Variants in SEZ6L observed in about 807,000 individuals in gnomAD.
SEZ6L encodes the protein seizure related 6 homolog like.
SEZ6L carries 37 observed loss-of-function variants against 106.2 expected under a neutral mutation model. The observed-to-expected ratio is 0.35, with a 90% confidence interval of 0.27 to 0.46. The LOEUF is 0.46. Ranked by LOEUF, SEZ6L falls within the 20% of genes least tolerant of loss-of-function variation. The pLI, the probability that SEZ6L is intolerant of heterozygous loss-of-function variation, is 1.00. For missense variants in SEZ6L, 1,172 were observed against 1,332.8 expected (o/e 0.88, Z 1.88); for synonymous variants, 541 against 570.4 (o/e 0.95, Z 0.73).
intron 12 of SEZ6L, among the ~76,000 whole-genome samples, chr22:26,363,813 G>A (rs979710265): frequency 1.1e-4 from 17 of 152,312 alleles, no homozygotes; most frequent in South Asian, 8.3e-4. Flanking sequence ...ACCTGCCTAC[G>A]ATGGAATATT....
At chr22:26,341,317 C>T (rs762409960) in intron 10 of SEZ6L, among the ~76,000 whole-genome samples, 10 of 152,108 alleles carry the variant, frequency 6.6e-5, no homozygotes, top group Non-Finnish European at 1.5e-4. Context: ...TCACACACTC[C>T]TATGACCCCT....
chr22:26,280,486 T>C (rs2080726438), intron 1 of SEZ6L, among the ~76,000 whole-genome samples: 1 of 152,170 alleles, frequency 6.6e-6, no homozygotes, highest in Non-Finnish European at 1.5e-5. Flanking sequence ...GCACGAAAGG[T>C]AGCATACTCT....
chr22:26,264,429 T>C (rs934421350), intron 1 of SEZ6L, among the ~76,000 whole-genome samples: 3 of 152,186 alleles, frequency 2.0e-5, no homozygotes, highest in East Asian at 1.9e-4. Context: ...GGAAGATGGA[T>C]GAAACAAGCT....
intron 1 of SEZ6L, among the ~76,000 whole-genome samples, chr22:26,290,982 G>A (rs1345460086): frequency 3.9e-5 from 6 of 152,184 alleles, no homozygotes; most frequent in African/African-American, 1.4e-4. Context: ...CACTGTTGGT[G>A]GGAATGTAAA....
At chr22:26,221,565 T>G (rs2078469329) in intron 1 of SEZ6L, among the ~76,000 whole-genome samples, 1 of 152,184 alleles carries the variant, frequency 6.6e-6, no homozygotes, top group South Asian at 2.1e-4. Context: ...GCAAGGAGCT[T>G]CATGTGAATC....
At chr22:26,378,571 G>A (rs900880270) in intron 16 of SEZ6L, among the ~76,000 whole-genome samples, 1 of 152,220 alleles carries the variant, frequency 6.6e-6, no homozygotes. Context: ...GGCACTAGGA[G>A]AATGTATAAT....
intron 3 of SEZ6L, 89 bp downstream of exon 3, chr22:26,294,514 A>G: frequency 4.3e-6 from 6 of 1,405,522 alleles, no homozygotes. Context: ...TGTTATGCTA[A>G]CTAGTTTGGT....
intron 1 of SEZ6L, 88 bp downstream of exon 1, chr22:26,169,851 A>G (rs955251105): frequency 5.3e-6 from 3 of 568,686 alleles, no homozygotes; most frequent in Middle Eastern, 4.9e-4. Flanking sequence ...AGGGCGACTC[A>G]GGCACCACCC....
Position 26,292,604 on chromosome 22 carries a change from C to G in SEZ6L, c.293C>G (p.Ala98Gly), listed in dbSNP as rs201824145. Residue 98 changes from alanine to glycine, a missense_variant, in exon 2 of 17, where the codon GCC becomes GGC. Ala to Gly is a moderately conservative substitution (Grantham distance 60, BLOSUM62 0). This residue lies in a region of SEZ6L where 494 missense variants were observed against 445.8 expected (regional missense o/e 1.11). Transcript: ENST00000248933. ...TAPSAHHDIP[A>G]LSPLLPEEAR... ...CCCTCTGCACATCACGACATCCCAG[C>G]CCTGTCACCGCTGCTTCCAGAGGAG... 4.2e-5 allele frequency: 67 copies of G among 1,613,352 alleles called. No homozygotes were observed. The highest frequency in any genetic ancestry group is 5.2e-5 in the Non-Finnish European group (61 of 1,179,796).
chr22:26,292,599 C>T lies in SEZ6L; in HGVS notation c.288C>T (p.Ile96=), dbSNP rs774008527. ...CCGCACCCTCTGCACATCACGACAT[C>T]CCAGCCCTGTCACCGCTGCTTCCAG... ...DGTAPSAHHD[I]PALSPLLPEE... Residue 96 remains isoleucine, a synonymous_variant, in exon 2 of 17, where the codon ATC becomes ATT. Coordinates refer to ENST00000248933, the MANE Select transcript of SEZ6L (RefSeq NM_021115.5). 6.2e-7 allele frequency: 1 copy of T among 1,613,612 alleles called. No individual in the cohort carries two copies. Among genetic ancestry groups the T allele is most frequent in the African/African-American group, 1.3e-5 (1 of 75,036 alleles).
chr22:26,375,833 TTC>T, intron 15 of SEZ6L, 144 bp downstream of exon 15: 1 of 618,762 alleles, frequency 1.6e-6, no homozygotes. Context: ...GATGCCCAGA[TTC>T]AGCCCAACTC....
At chr22:26,317,805 C>A (rs1455589736) in intron 9 of SEZ6L, among the ~76,000 whole-genome samples, 3 of 152,026 alleles carry the variant, frequency 2.0e-5, no homozygotes, top group African/African-American at 7.2e-5. Flanking sequence ...CCTCAGTTTC[C>A]TTCCTCCCTG....
intron 14 of SEZ6L, 26 bp downstream of exon 14, chr22:26,373,509 A>AG: frequency 6.3e-7 from 1 of 1,576,380 alleles, no homozygotes; most frequent in African/African-American, 1.4e-5. Context: ...AAAAAAAAAA[A>AG]AGTTCAATAA....
At chr22:26,239,360 C>T (rs2079045120) in intron 1 of SEZ6L, among the ~76,000 whole-genome samples, 1 of 152,180 alleles carries the variant, frequency 6.6e-6, no homozygotes, top group Non-Finnish European at 1.5e-5. Context: ...TGCCAGTTAG[C>T]CAGCAAGTTC....
intron 13 of SEZ6L, among the ~76,000 whole-genome samples, chr22:26,369,886 G>C (rs945328246): frequency 6.6e-6 from 1 of 152,044 alleles, no homozygotes; most frequent in Admixed American, 6.6e-5. Context: ...CAAAGTGCTG[G>C]GATTACAGGC....
chr22:26,263,497 G>T (rs1049818601), intron 1 of SEZ6L, among the ~76,000 whole-genome samples: 2 of 152,206 alleles, frequency 1.3e-5, no homozygotes, highest in Admixed American at 6.5e-5. Context: ...TGAATGAAAA[G>T]TTCTGTGACT....
intron 9 of SEZ6L, among the ~76,000 whole-genome samples, chr22:26,322,368 G>C (rs961534064): frequency 2.6e-5 from 4 of 152,126 alleles, no homozygotes; most frequent in African/African-American, 9.7e-5. Flanking sequence ...TGTGTGTCTC[G>C]GCAATGTAGC....
chr22:26,284,180 A>G (rs2080857652), intron 1 of SEZ6L, among the ~76,000 whole-genome samples: 1 of 152,242 alleles, frequency 6.6e-6, no homozygotes, highest in South Asian at 2.1e-4. Flanking sequence ...CCAGTGTCTT[A>G]CCGGCAGTAA....
At chr22:26,269,285 C>A (rs936672923) in intron 1 of SEZ6L, among the ~76,000 whole-genome samples, 1 of 152,168 alleles carries the variant, frequency 6.6e-6, no homozygotes, top group African/African-American at 2.4e-5. Flanking sequence ...GCCTAGAAAT[C>A]TGCCTTTTAA....
Sources: gnomAD v4.1 joint callset for allele counts (sites outside exome capture counted in the v4.1 genomes callset) on GRCh38, gnomAD v4.1.1 for gene constraint, gnomAD v4.1.1 regional missense constraint, MANE v1.5 for transcripts, NCBI Gene and HGNC (gene_info 2026-07-23, HGNC 2026-07-21) for gene names.